The following ALDH1A2 variants were observed in gnomAD, a reference collection of about 807,000 sequenced individuals.
ALDH1A2 encodes the protein retinal dehydrogenase 2.
A neutral mutation model predicts 60.3 loss-of-function variants in ALDH1A2; 27 were observed. The observed-to-expected ratio is 0.45, with a 90% CI of 0.33 to 0.62. ALDH1A2 has a LOEUF of 0.62. Among genes scored for constraint, ALDH1A2 ranks in the 20% least tolerant of loss-of-function variants. The pLI is 0.02. For synonymous variants in ALDH1A2, 289 were observed against 232.4 expected (o/e 1.24, Z -2.21); for missense variants, 581 against 643.8 (o/e 0.90, Z 1.06).
rs1191997978 is a variant in ALDH1A2, at chr15:58,065,431, AC to A, written c.117+102del. ...CCGGGATGACAGGCTGGCCCCGACG[AC>A]CCCGGCCCCGTCCCGCAGCCCTCAC... On this transcript the variant is annotated intron_variant, in intron 1 of 12. Coordinates refer to ENST00000249750, the MANE Select transcript of ALDH1A2 (RefSeq NM_003888.4). The A allele has an allele frequency of 5.2e-5, 53 of 1,027,580 alleles. No individual in the cohort carries two copies. In the South Asian group the frequency reaches 5.2e-4, roughly 10 times the overall value. The allele number at this position is 1,027,580 out of a possible 1,614,324, so 63.7% of individuals were successfully genotyped here.
chr15:58,008,712 G>T (rs1294370903), intron 4 of ALDH1A2, among the ~76,000 whole-genome samples: 2 of 151,986 alleles, frequency 1.3e-5, no homozygotes, highest in East Asian at 3.9e-4. Context: ...GTGGAGTGGG[G>T]ACCAAAAAAA....
At chr15:58,034,674 GATGA>G (rs1896330681) in intron 1 of ALDH1A2, among the ~76,000 whole-genome samples, 2 of 151,716 alleles carry the variant, frequency 1.3e-5, no homozygotes, top group African/African-American at 4.8e-5. Context: ...TTCTTTATAT[GATGA>G]ATGGGTGCTG....
intron 1 of ALDH1A2, among the ~76,000 whole-genome samples, chr15:58,015,214 G>A (rs1158605275): frequency 1.3e-5 from 2 of 152,016 alleles, no homozygotes; most frequent in East Asian, 1.9e-4. Flanking sequence ...ATCTAATTTA[G>A]GACAAAAACA....
intron 7 of ALDH1A2, chr15:57,990,230 T>C (rs570562452): frequency 1.1e-4 from 17 of 152,366 alleles, no homozygotes; most frequent in African/African-American, 3.6e-4. Flanking sequence ...AAGCAAGTTG[T>C]AAATATGTTT....
At chr15:58,044,838 G>C (rs2140561060) in intron 1 of ALDH1A2, among the ~76,000 whole-genome samples, 1 of 152,042 alleles carries the variant, frequency 6.6e-6, no homozygotes, top group South Asian at 2.1e-4. Context: ...ATGAGCAGAG[G>C]GAAAAGGGAA....
chr15:57,969,366 T>G (rs947770723), intron 7 of ALDH1A2, among the ~76,000 whole-genome samples: 5 of 152,216 alleles, frequency 3.3e-5, no homozygotes, highest in African/African-American at 1.2e-4. Context: ...ACAGATTAAA[T>G]TACAGTTCCT....
At chr15:57,974,234 C>T (rs530984003) in intron 7 of ALDH1A2, among the ~76,000 whole-genome samples, 2 of 152,060 alleles carry the variant, frequency 1.3e-5, no homozygotes, top group East Asian at 3.9e-4. Context: ...GAGATCAAGA[C>T]CATCCTGGCT....
chr15:57,961,195 T>C lies in ALDH1A2; in HGVS notation c.1351A>G (p.Thr451Ala). 1 of 1,614,176 alleles carries C rather than the reference T, an allele frequency of 6.2e-7. No homozygotes were observed. Among genetic ancestry groups the C allele is most frequent in the Non-Finnish European group, 8.5e-7 (1 of 1,179,998 alleles). Residue 451 changes from threonine (T) to alanine (A), a missense_variant, in exon 11 of 13, where the codon ACT (threonine) becomes GCT (alanine). This residue lies in a region of ALDH1A2 where 375 missense variants were observed against 469.7 expected (regional missense o/e 0.80). Coordinates refer to ENST00000249750, the MANE Select transcript of ALDH1A2 (RefSeq NM_003888.4). The stretch of plus-strand genomic sequence containing the variant: ...GTGAGGGCCTTGTTGATGTCATTAG[T>C]AAAGACAGCTGCTACGAGTCCAAAG... Reference protein sequence around the residue: ...SDFGLVAAVFTNDINKALTVS... With the variant: ...SDFGLVAAVFANDINKALTVS...
chr15:57,988,872 C>T (rs1446925695), intron 7 of ALDH1A2, among the ~76,000 whole-genome samples: 1 of 117,290 alleles, frequency 8.5e-6, no homozygotes, highest in South Asian at 2.3e-4. Context: ...ACTTCCACTA[C>T]CTGATATTGT....
At chr15:58,004,730 CAT>C (rs33963185) in intron 4 of ALDH1A2, among the ~76,000 whole-genome samples, 1 of 140,710 alleles carries the variant, frequency 7.1e-6, no homozygotes, top group Non-Finnish European at 1.5e-5. Context: ...TATATATATA[CAT>C]ATATATATAT....
chr15:58,014,483 C>T (rs1295864209), intron 1 of ALDH1A2: 1 of 621,786 alleles, frequency 1.6e-6, no homozygotes, highest in East Asian at 3.3e-5. Flanking sequence ...CATCCAAAGG[C>T]TAACTACAGT....
At chr15:58,024,896 G>A (rs2414529) in intron 1 of ALDH1A2, among the ~76,000 whole-genome samples, 12 of 151,872 alleles carry the variant, frequency 7.9e-5, no homozygotes, top group African/African-American at 1.9e-4. Flanking sequence ...CTCTGGAAAC[G>A]ATACAAATAC....
At chr15:57,971,747 C>A (rs1374146785) in intron 7 of ALDH1A2, among the ~76,000 whole-genome samples, 1 of 152,148 alleles carries the variant, frequency 6.6e-6, no homozygotes, top group East Asian at 1.9e-4. Context: ...TTTGTTAAGT[C>A]AATAAGCCAG....
intron 1 of ALDH1A2, among the ~76,000 whole-genome samples, chr15:58,035,153 T>C (rs991222587): frequency 6.6e-6 from 1 of 151,644 alleles, no homozygotes; most frequent in Non-Finnish European, 1.5e-5. Context: ...GGCCTATTCA[T>C]ACATATTTCT....
At chr15:57,998,184 G>T (rs1412094859) in intron 4 of ALDH1A2, among the ~76,000 whole-genome samples, 1 of 151,984 alleles carries the variant, frequency 6.6e-6, no homozygotes, top group East Asian at 1.9e-4. Flanking sequence ...ACATAGTATT[G>T]GAAGTTCTGG....
Position 58,031,546 on chromosome 15 carries a change from G to A in ALDH1A2, c.118-17265C>T, listed in dbSNP as rs188671314. ...AATTAGACTAAAGAGCTTCTGCACA[G>A]CAAAAGAAACTATCATCAGAGTGAA... On this transcript the variant is annotated intron_variant, in intron 1 of 12. Transcript: ENST00000249750. Among the ~76,000 whole-genome samples the A allele has an allele frequency of 3.0e-3, 458 of 152,268 alleles. 4 individuals carry two copies. Among genetic ancestry groups the A allele is most frequent in the Non-Finnish European group, 4.6e-3 (312 of 68,018 alleles).
chr15:58,015,136 G>C (rs34062592), intron 1 of ALDH1A2, among the ~76,000 whole-genome samples: 2 of 152,178 alleles, frequency 1.3e-5, no homozygotes, highest in African/African-American at 2.4e-5. Context: ...GAGGACATAC[G>C]AAGATGTTTT....
At chr15:57,965,606 C>G in intron 8 of ALDH1A2, 119 bp downstream of exon 8, 1 of 846,738 alleles carries the variant, frequency 1.2e-6, no homozygotes, top group Admixed American at 1.8e-5. Flanking sequence ...TAGAGGAGAT[C>G]TTTTTGATTG....
intron 7 of ALDH1A2, among the ~76,000 whole-genome samples, chr15:57,970,681 CTATTT>C (rs1465405720): frequency 6.6e-6 from 1 of 152,096 alleles, no homozygotes; most frequent in African/African-American, 2.4e-5. Flanking sequence ...CTACTCAGAG[CTATTT>C]TATTACACAT....
Sources: allele counts gnomAD v4.1 joint callset (sites outside exome capture counted in the v4.1 genomes callset), GRCh38; gene constraint gnomAD v4.1.1; regional missense constraint gnomAD v4.1.1; transcripts MANE v1.5; gene names NCBI Gene and HGNC (gene_info 2026-07-23, HGNC 2026-07-21).